The following CRB1 variants were observed in gnomAD, a reference collection of about 807,000 sequenced individuals.
CRB1 encodes the protein protein crumbs homolog 1.
In CRB1, 83 loss-of-function variants were observed where a neutral mutation model predicts 120.0. That is an observed-to-expected ratio of 0.69 (90% CI 0.58 to 0.83). CRB1 has a LOEUF of 0.83. Ranked by LOEUF, CRB1 falls within the 40% of genes least tolerant of loss-of-function variation. The pLI is 0.00. For missense variants in CRB1, 1,699 were observed against 1,687.6 expected (o/e 1.01, Z -0.12); for synonymous variants, 625 against 612.5 (o/e 1.02, Z -0.30).
At chr1:197,307,685 A>G (rs912413934) in intron 1 of CRB1, among the ~76,000 whole-genome samples, 4 of 152,200 alleles carry the variant, frequency 2.6e-5, no homozygotes, top group African/African-American at 7.2e-5. Flanking sequence ...TATCACTGAC[A>G]GGTAGATGAT....
intron 5 of CRB1, among the ~76,000 whole-genome samples, chr1:197,415,040 T>A (rs1558120440): frequency 6.6e-6 from 1 of 152,186 alleles, no homozygotes; most frequent in African/African-American, 2.4e-5. Context: ...AAACTTGCTT[T>A]TCTGTTTATA....
intron 11 of CRB1, chr1:197,442,767 C>T (rs1665516620): frequency 3.9e-6 from 1 of 253,256 alleles, no homozygotes; most frequent in African/African-American, 2.3e-5. Flanking sequence ...AGTTGCCCTC[C>T]ATCACTATGA....
At chr1:197,473,275 G>A (rs1038265791) in intron 11 of CRB1, among the ~76,000 whole-genome samples, 9 of 152,182 alleles carry the variant, frequency 5.9e-5, no homozygotes, top group African/African-American at 2.2e-4. Context: ...GAAGAAACAA[G>A]ATGAAATTTC....
At chr1:197,333,523 A>G (rs1319360804) in intron 2 of CRB1, among the ~76,000 whole-genome samples, 1 of 152,256 alleles carries the variant, frequency 6.6e-6, no homozygotes, top group African/African-American at 2.4e-5. Context: ...ATAGGGCTGT[A>G]AGAGGGCAGA....
chr1:197,442,386 G>A lies in CRB1; in HGVS notation c.4005+94G>A, dbSNP rs781505242. On this transcript the variant is annotated intron_variant, in intron 11 of 11. Coordinates refer to ENST00000367400, the MANE Select transcript of CRB1 (RefSeq NM_201253.3). Reference sequence around the variant, plus strand: ...CATTTTGCGTATGAATGACGAGCCAGTTGTTGAGTGGGGTGAACAGGAAGA... The same window carrying A: ...CATTTTGCGTATGAATGACGAGCCAATTGTTGAGTGGGGTGAACAGGAAGA... 10 of 1,607,580 alleles carry A rather than the reference G, an allele frequency of 6.2e-6. No individual in the cohort carries two copies. The South Asian group carries it at 8.8e-5, about 14-fold the overall frequency.
In CRB1 at chr1:197,321,605, T is replaced by C. The variant is rs76505622; in HGVS notation, c.71-6817T>C. The stretch of plus-strand genomic sequence containing the variant: ...TATTCAAAATGTCATCAAAACCAAA[T>C]ACATACCTCATACATACAGGCATAC... On this transcript the variant is annotated intron_variant, in intron 1 of 11. Coordinates refer to ENST00000367400, the MANE Select transcript of CRB1 (RefSeq NM_201253.3). Among the ~76,000 whole-genome samples, 106 of 152,332 alleles carry C rather than the reference T, an allele frequency of 7.0e-4. No homozygotes were observed. In the East Asian group the frequency reaches 0.019, roughly 27 times the overall value.
In CRB1 at chr1:197,314,852, A is replaced by G. The variant is rs1764790; in HGVS notation, c.71-13570A>G. On this transcript the variant is annotated intron_variant, in intron 1 of 11. Transcript: ENST00000367400. ...TTCTGACAGTTTTGTTTATCTCTCA[A>G]TCTCTCAGCAGATGATATCTGCTAG... 6.4e-3 allele frequency among the ~76,000 whole-genome samples: 981 copies of G among 152,098 alleles called. 8 individuals are homozygous for G. The highest frequency in any genetic ancestry group is 0.022 in the African/African-American group (908 of 41,458).
chr1:197,356,762 C>A, intron 4 of CRB1, 69 bp from the exon 5 acceptor site: 1 of 1,521,212 alleles, frequency 6.6e-7, no homozygotes, highest in Non-Finnish European at 9.1e-7. Context: ...CAGTCAACCT[C>A]CTTTTAGGCA....
chr1:197,292,798 A>G (rs1431839375), intron 1 of CRB1, among the ~76,000 whole-genome samples: 1 of 152,172 alleles, frequency 6.6e-6, no homozygotes, highest in Non-Finnish European at 1.5e-5. Context: ...AAACAGAACC[A>G]AAGACAAAAA....
intron 5 of CRB1, among the ~76,000 whole-genome samples, chr1:197,400,732 C>T (rs1369399392): frequency 6.6e-6 from 1 of 152,060 alleles, no homozygotes; most frequent in Non-Finnish European, 1.5e-5. Context: ...TACTATCCAG[C>T]CCTGATTTAA....
rs142763216 is a variant in CRB1, at chr1:197,424,994, T to G, written c.2129-2460T>G. ...TGTGATTTCTGAGAAATAGGATTGC[T>G]GAAGAATCAGGCTTCTGAGAAAAAA... On this transcript the variant is annotated intron_variant, in intron 6 of 11. Transcript: ENST00000367400. Among the ~76,000 whole-genome samples the G allele has an allele frequency of 7.0e-4, 106 of 152,238 alleles. No individual in the cohort carries two copies. The East Asian group carries it at 0.02, about 28-fold the overall frequency.
At chr1:197,343,351 T>C (rs535219934) in intron 2 of CRB1, among the ~76,000 whole-genome samples, 14 of 152,326 alleles carry the variant, frequency 9.2e-5, no homozygotes, top group African/African-American at 3.4e-4. Context: ...AATGCAATTA[T>C]TGCATATCAA....
intron 11 of CRB1, among the ~76,000 whole-genome samples, chr1:197,456,399 G>T (rs575157039): frequency 5.3e-5 from 8 of 152,072 alleles, no homozygotes; most frequent in African/African-American, 1.4e-4. Context: ...TTTTGTTTTT[G>T]TGTGTGTGAA....
rs1666992470 is a variant in CRB1, at chr1:197,471,841, C to G, written c.4006-5823C>G. Among the ~76,000 whole-genome samples the G allele has an allele frequency of 1.3e-5, 2 of 152,194 alleles. 1 individual carries two copies. Among genetic ancestry groups the G allele is most frequent in the Non-Finnish European group, 2.9e-5 (2 of 68,046 alleles). The stretch of plus-strand genomic sequence containing the variant: ...TAAGATATAGTTCAAGGACTGAGGT[C>G]TGTGTGGGAGGTTTTTACCATCCAC... On this transcript the variant is annotated intron_variant, in intron 11 of 11. Coordinates refer to ENST00000367400, the MANE Select transcript of CRB1 (RefSeq NM_201253.3).
chr1:197,422,845 T>C (rs1385554317), intron 6 of CRB1: 3 of 152,214 alleles, frequency 2.0e-5, no homozygotes, highest in African/African-American at 7.2e-5. Context: ...ATCTGGTAAG[T>C]AGTCTTCTCT....
intron 5 of CRB1, among the ~76,000 whole-genome samples, chr1:197,362,375 C>A (rs1251043401): frequency 6.6e-6 from 1 of 152,072 alleles, no homozygotes; most frequent in Non-Finnish European, 1.5e-5. Flanking sequence ...TCAATTAAAT[C>A]CCATTGACTG....
intron 1 of CRB1, among the ~76,000 whole-genome samples, chr1:197,321,815 G>A (rs1417346488): frequency 6.6e-6 from 1 of 152,150 alleles, no homozygotes; most frequent in African/African-American, 2.4e-5. Context: ...AAAATATGAG[G>A]AGGATTAATG....
chr1:197,455,551 T>G (rs1009143473), intron 11 of CRB1, among the ~76,000 whole-genome samples: 2 of 152,130 alleles, frequency 1.3e-5, no homozygotes, highest in African/African-American at 4.8e-5. Flanking sequence ...TACATTGCCT[T>G]TAGGAAATGC....
At chr1:197,227,028 C>G in the CRB1 span, among the ~76,000 whole-genome samples, 1 of 152,182 alleles carries the variant, frequency 6.6e-6, no homozygotes. Flanking sequence ...GAGTACAATT[C>G]AAGATGAGCT....
Sources: gnomAD v4.1 joint callset for allele counts (sites outside exome capture counted in the v4.1 genomes callset) on GRCh38, gnomAD v4.1.1 for gene constraint, MANE v1.5 for transcripts, NCBI Gene and HGNC (gene_info 2026-07-23, HGNC 2026-07-21) for gene names.